EXOC2: variants seen among roughly 807,000 people sequenced by gnomAD.
The protein encoded by EXOC2 is SEC5-like 1.
In EXOC2, 70 loss-of-function variants were observed where a neutral mutation model predicts 131.8. That is an observed-to-expected ratio of 0.53 (90% confidence interval 0.44 to 0.65). The LOEUF (loss-of-function observed/expected upper bound fraction) is 0.65, where lower values mean the gene tolerates loss of function less well. Ranked by LOEUF, EXOC2 falls within the 30% of genes least tolerant of loss-of-function variation. The pLI, the probability that EXOC2 is intolerant of heterozygous loss-of-function variation, is 0.00. For synonymous variants in EXOC2, 411 were observed against 398.4 expected, an observed-to-expected ratio of 1.03 and a Z score of -0.38; for missense variants, 923 against 1,108.6, an observed-to-expected ratio of 0.83 and a Z score of 2.38.
intron 1 of EXOC2, among the ~76,000 whole-genome samples, chr6:638,890 C>A (rs1048327282): frequency 1.3e-5 from 2 of 152,250 alleles, no homozygotes; most frequent in Admixed American, 1.3e-4. Flanking sequence ...GATTGCGCCA[C>A]TGCACTCTAG....
At chr6:551,437 G>T (rs956631739) in intron 21 of EXOC2, among the ~76,000 whole-genome samples, 1 of 152,230 alleles carries the variant, frequency 6.6e-6, no homozygotes, top group Non-Finnish European at 1.5e-5. Flanking sequence ...ACTAAGGCAG[G>T]AGAGAGGAGG....
At chr6:586,861 G>A (rs1028002913) in intron 11 of EXOC2, among the ~76,000 whole-genome samples, 36 of 152,292 alleles carry the variant, frequency 2.4e-4, no homozygotes, top group African/African-American at 8.4e-4. Context: ...CTCAGGATAC[G>A]GAGGACGTGG....
At chr6:533,336 T>C (rs1396518038) in intron 22 of EXOC2, among the ~76,000 whole-genome samples, 1 of 152,232 alleles carries the variant, frequency 6.6e-6, no homozygotes. Context: ...AATCATGTTC[T>C]GTTTCTTCAT....
chr6:622,241 T>C (rs1761329465), intron 4 of EXOC2, among the ~76,000 whole-genome samples: 1 of 152,238 alleles, frequency 6.6e-6, no homozygotes, highest in Non-Finnish European at 1.5e-5. Flanking sequence ...GAGAGTTAAA[T>C]GGTCTGAACA....
At chr6:661,251 G>A (rs570480421) in intron 1 of EXOC2, among the ~76,000 whole-genome samples, 138 of 152,320 alleles carry the variant, frequency 9.1e-4, no homozygotes, top group South Asian at 3.7e-3. Context: ...CCCCAGCCCT[G>A]CTAGAGACCC....
chr6:510,473 T>C (rs1399743815), intron 23 of EXOC2, among the ~76,000 whole-genome samples: 1 of 152,170 alleles, frequency 6.6e-6, no homozygotes, highest in Non-Finnish European at 1.5e-5. Flanking sequence ...AGAGAAAACA[T>C]TGCCAACAGT....
chr6:534,624 C>G (rs897743139), intron 22 of EXOC2, among the ~76,000 whole-genome samples: 4 of 152,180 alleles, frequency 2.6e-5, no homozygotes, highest in Non-Finnish European at 4.4e-5. Flanking sequence ...TGTATTTAGC[C>G]AGCGTGTCAT....
intron 26 of EXOC2, among the ~76,000 whole-genome samples, 194 bp from the exon 27 acceptor site, chr6:489,232 T>G (rs537016891): frequency 2.0e-5 from 3 of 152,196 alleles, no homozygotes; most frequent in Non-Finnish European, 4.4e-5. Context: ...GGAGGCTTTG[T>G]AGCAACGGGG....
intron 1 of EXOC2, among the ~76,000 whole-genome samples, chr6:679,843 G>T (rs936947836): frequency 6.6e-6 from 1 of 152,114 alleles, no homozygotes; most frequent in African/African-American, 2.4e-5. Context: ...TAGGCAGATA[G>T]GTATGAACAG....
At chr6:578,830 A>C (rs1252628201) in intron 11 of EXOC2, among the ~76,000 whole-genome samples, 2 of 152,188 alleles carry the variant, frequency 1.3e-5, no homozygotes, top group African/African-American at 4.8e-5. Context: ...TTTTTTTCAT[A>C]TAAAAATGTT....
At chr6:541,511 G>T (rs1756533471) in intron 22 of EXOC2, among the ~76,000 whole-genome samples, 1 of 151,768 alleles carries the variant, frequency 6.6e-6, no homozygotes, top group African/African-American at 2.4e-5. Context: ...AAGAAACAAA[G>T]AATAAAAATA....
intron 22 of EXOC2, among the ~76,000 whole-genome samples, chr6:535,999 T>A (rs72835936): frequency 0.15 from 22,487 of 152,168 alleles, 1,811 homozygotes; most frequent in African/African-American, 0.21. Context: ...TTCAATATAC[T>A]TTCATGACAA....
intron 27 of EXOC2, 129 bp downstream of exon 27, chr6:488,850 C>T (rs1467345825): frequency 8.2e-6 from 8 of 970,956 alleles, no homozygotes; most frequent in Admixed American, 6.7e-5. Context: ...GGTATATCTG[C>T]TTATTCTGAT....
chr6:599,489 CA>C (rs1760007963), intron 7 of EXOC2, among the ~76,000 whole-genome samples: 1 of 152,178 alleles, frequency 6.6e-6, no homozygotes, highest in Non-Finnish European at 1.5e-5. Flanking sequence ...TGTGAACCTA[CA>C]TTTATTTTCA....
intron 17 of EXOC2, 85 bp from the exon 18 acceptor site, chr6:556,649 G>A: frequency 7.1e-7 from 1 of 1,415,676 alleles, no homozygotes; most frequent in Non-Finnish European, 9.9e-7. Flanking sequence ...ATGGCCCCAA[G>A]CCCCACATTT....
At chr6:578,779 G>GA (rs1245939678) in intron 11 of EXOC2, among the ~76,000 whole-genome samples, 3 of 151,648 alleles carry the variant, frequency 2.0e-5, no homozygotes, top group Admixed American at 6.6e-5. Context: ...ATGTGACAGA[G>GA]AAAAAAAATA....
chr6:636,396 T>C (rs1242136560), intron 2 of EXOC2, among the ~76,000 whole-genome samples: 2 of 152,220 alleles, frequency 1.3e-5, no homozygotes, highest in Non-Finnish European at 2.9e-5. Context: ...CTCCCGACTG[T>C]AACCTTTGTC....
chr6:655,857 A>G, intron 1 of EXOC2: 1 of 340,026 alleles, frequency 2.9e-6, no homozygotes, highest in Non-Finnish European at 5.4e-6. Context: ...CCCGAAAAAA[A>G]GAGTTGAAGA....
At chr6:563,726 A>G (rs1757819116) in intron 16 of EXOC2, among the ~76,000 whole-genome samples, 1 of 152,212 alleles carries the variant, frequency 6.6e-6, no homozygotes, top group African/African-American at 2.4e-5. Context: ...ATATTTTCAA[A>G]AGTGAGATCA....
Sources: gnomAD v4.1 joint callset for allele counts (sites outside exome capture counted in the v4.1 genomes callset) on GRCh38, gnomAD v4.1.1 for gene constraint, MANE v1.5 for transcripts, NCBI Gene and HGNC (gene_info 2026-07-23, HGNC 2026-07-21) for gene names.